Variants in BRAF observed in about 807,000 individuals in gnomAD.
BRAF encodes serine/threonine-protein kinase B-raf.
In BRAF, 16 loss-of-function variants were observed where a neutral mutation model predicts 104.6. The observed-to-expected ratio is 0.15, with a 90% CI of 0.10 to 0.23. BRAF has a LOEUF of 0.23. BRAF is among the 10% of genes least tolerant of loss of function. BRAF has a pLI of 1.00. For synonymous variants in BRAF, 310 were observed against 341.6 expected, an observed-to-expected ratio of 0.91 and a Z score of 1.02; for missense variants, 541 against 937.3, an observed-to-expected ratio of 0.58 and a Z score of 5.52.
At chr7:140,804,402 T>G (rs1803444791) in intron 5 of BRAF, among the ~76,000 whole-genome samples, 2 of 149,342 alleles carry the variant, frequency 1.3e-5, no homozygotes, top group South Asian at 4.4e-4. Context: ...ACAGGTTTTT[T>G]TTTTGGGGGG....
In BRAF at chr7:140,783,366, T is replaced by C. The variant is rs1451235447; in HGVS notation, c.1298-209A>G. ...TAGTTTTCTGGCCAATTTAATGACC[T>C]TTAAGATATCTGATGATAGACATAG... On this transcript the variant is annotated intron_variant, in intron 10 of 19. Transcript: ENST00000644969. 5.2e-6 allele frequency: 3 copies of C among 574,838 alleles called. No individual in the cohort carries two copies. The East Asian group carries it at 8.8e-5, about 17-fold the overall frequency. The allele number at this position is 574,838 out of a possible 1,614,324, so 35.6% of individuals were successfully genotyped here.
In BRAF at chr7:140,754,173, T is replaced by A. The variant is rs544780847; in HGVS notation, c.1861+14A>T. On this transcript the variant is annotated intron_variant, in intron 15 of 19. Coordinates refer to ENST00000644969, the MANE Select transcript of BRAF (RefSeq NM_001374258.1). ...ATGTTTTCAAACTTCGCAGACAAATTTCAGGAAGGATACTATTACTCTTGA... is the reference window on the plus strand; with the variant it reads ...ATGTTTTCAAACTTCGCAGACAAATATCAGGAAGGATACTATTACTCTTGA... 2.5e-6 allele frequency: 4 copies of A among 1,612,332 alleles called. No homozygotes were observed. Among genetic ancestry groups the A allele is most frequent in the Admixed American group, 1.7e-5 (1 of 59,990 alleles).
At chr7:140,804,975 GTA>G (rs1803513434) in intron 5 of BRAF, among the ~76,000 whole-genome samples, 1 of 151,674 alleles carries the variant, frequency 6.6e-6, no homozygotes, top group Non-Finnish European at 1.5e-5. Flanking sequence ...CCTACTTTTT[GTA>G]TTTTTTTGGA....
At chr7:140,803,023 G>A (rs192590155) in intron 5 of BRAF, among the ~76,000 whole-genome samples, 4 of 152,128 alleles carry the variant, frequency 2.6e-5, no homozygotes, top group East Asian at 3.9e-4. Flanking sequence ...CCTTTTCTAC[G>A]TTTAGATACA....
At position 140,725,599 on chromosome 7, in the gene BRAF, T is replaced by G; in HGVS notation, c.*895A>C. 1 of 1,058,264 alleles carries G rather than the reference T, an allele frequency of 9.4e-7. No homozygotes were observed. The highest frequency in any genetic ancestry group is 5.2e-5 in the East Asian group (1 of 19,196). The allele number at this position is 1,058,264 out of a possible 1,614,324, so 65.6% of individuals were successfully genotyped here. On this transcript the variant is annotated 3_prime_UTR_variant, in exon 20 of 20. Transcript: ENST00000644969. ...TTTAGTTAGATACTGCCACGGCATT[T>G]TGTGCCCTGGACAAAGTAGCCGCAT...
intron 19 of BRAF, chr7:140,731,160 T>TG (rs1795929884): frequency 6.6e-6 from 1 of 152,174 alleles, no homozygotes; most frequent in Admixed American, 6.5e-5. Context: ...GGGCTACAGT[T>TG]GTGCACCACT....
chr7:140,855,349 G>A (rs1809656630), intron 1 of BRAF, among the ~76,000 whole-genome samples: 1 of 152,058 alleles, frequency 6.6e-6, no homozygotes, highest in Non-Finnish European at 1.5e-5. Context: ...CTCCTCTCCT[G>A]TTTTAATCTC....
intron 1 of BRAF, among the ~76,000 whole-genome samples, chr7:140,881,681 A>C (rs1812935557): frequency 6.6e-6 from 1 of 152,182 alleles, no homozygotes; most frequent in Non-Finnish European, 1.5e-5. Context: ...ACTAAGCTTA[A>C]TCATTTCTAG....
intron 1 of BRAF, among the ~76,000 whole-genome samples, chr7:140,918,185 A>G (rs1817823257): frequency 6.6e-6 from 1 of 152,228 alleles, no homozygotes; most frequent in Admixed American, 6.5e-5. Context: ...AAGCAGATAA[A>G]TGAAGAACTT....
intron 18 of BRAF, among the ~76,000 whole-genome samples, chr7:140,738,183 T>C (rs1300721313): frequency 6.6e-6 from 1 of 152,122 alleles, no homozygotes; most frequent in East Asian, 1.9e-4. Flanking sequence ...AACAGTAACT[T>C]TGAAACCTGA....
chr7:140,890,508 T>A (rs574417368), intron 1 of BRAF, among the ~76,000 whole-genome samples: 1 of 152,244 alleles, frequency 6.6e-6, no homozygotes, highest in East Asian at 1.9e-4. Context: ...TTTTCTAAGC[T>A]AAAACTCCCT....
chr7:140,784,370 T>C lies in BRAF; in HGVS notation c.1298-1213A>G, dbSNP rs117612804. On this transcript the variant is annotated intron_variant, in intron 10 of 19. Coordinates refer to ENST00000644969, the MANE Select transcript of BRAF (RefSeq NM_001374258.1). ...AGCACAATCCATTTTCTACCTTCCA[T>C]TGATAATTTTCAACATTATAAAGCC... 1.7e-4 allele frequency among the ~76,000 whole-genome samples: 26 copies of C among 152,282 alleles called. No individual in the cohort carries two copies. The East Asian group carries it at 3.5e-3, about 20-fold the overall frequency.
chr7:140,742,185 G>GT (rs144088430), intron 17 of BRAF, among the ~76,000 whole-genome samples: 8,641 of 151,418 alleles, frequency 0.057, 293 homozygotes, highest in South Asian at 0.11. Context: ...ACATGGTGGG[G>GT]TTTTTTTTGT....
intron 3 of BRAF, among the ~76,000 whole-genome samples, chr7:140,824,856 T>C (rs1805844768): frequency 6.6e-6 from 1 of 152,202 alleles, no homozygotes; most frequent in Non-Finnish European, 1.5e-5. Flanking sequence ...CGTGCCTATT[T>C]AATTTGCATT....
Position 140,722,800 on chromosome 7 carries a change from C to T in BRAF, c.*3694G>A. ...TTACATCACTGTTAGTGAAGTGATACCACAGCTATTTAATTTCATGCAATT... is the reference window on the plus strand; with the variant it reads ...TTACATCACTGTTAGTGAAGTGATATCACAGCTATTTAATTTCATGCAATT... On this transcript the variant is annotated 3_prime_UTR_variant, in exon 20 of 20. Coordinates refer to ENST00000644969, the MANE Select transcript of BRAF (RefSeq NM_001374258.1). 2.8e-6 allele frequency: 3 copies of T among 1,052,926 alleles called. No individual in the cohort carries two copies. The highest frequency in any genetic ancestry group is 3.4e-6 in the Non-Finnish European group (3 of 871,546). The allele number at this position is 1,052,926 out of a possible 1,614,324, so 65.2% of individuals were successfully genotyped here.
At chr7:140,890,725 A>T (rs960503952) in intron 1 of BRAF, among the ~76,000 whole-genome samples, 2 of 152,210 alleles carry the variant, frequency 1.3e-5, no homozygotes, top group Non-Finnish European at 2.9e-5. Context: ...AGGCATCTGT[A>T]CCTTCTGAAG....
chr7:140,758,081 G>C (rs1798353465), intron 14 of BRAF: 1 of 152,122 alleles, frequency 6.6e-6, no homozygotes. Context: ...TTAAACTCTT[G>C]GTAAAACACA....
intron 1 of BRAF, among the ~76,000 whole-genome samples, chr7:140,888,835 T>TAA (rs113414500): frequency 4.9e-5 from 7 of 144,174 alleles, no homozygotes; most frequent in African/African-American, 1.8e-4. Context: ...AACTCCGTCT[T>TAA]AAAAAAAAAA....
Position 140,721,928 on chromosome 7 carries a change from T to G in BRAF, c.*4566A>C, listed in dbSNP as rs1795344292. 1 of 1,260,796 alleles carries G rather than the reference T, an allele frequency of 7.9e-7. No homozygotes were observed. 78.1% of individuals were successfully genotyped at this position (1,260,796 alleles called of 1,614,324 possible). ...GGGAAGAAATTTACATTTCAAACTC[T>G]GAAAAATCAGTGTCTAGGTTGGCAG... On this transcript the variant is annotated 3_prime_UTR_variant, in exon 20 of 20. Transcript: ENST00000644969.
Sources: allele counts gnomAD v4.1 joint callset (sites outside exome capture counted in the v4.1 genomes callset), GRCh38; gene constraint gnomAD v4.1.1; transcripts MANE v1.5; gene names NCBI Gene and HGNC (gene_info 2026-07-23, HGNC 2026-07-21).